The following IGDCC4 variants were observed in gnomAD, a reference collection of about 807,000 sequenced individuals.
The protein encoded by IGDCC4 is immunoglobulin superfamily DCC subclass member 4.
Under a neutral mutation model 116.6 loss-of-function variants are expected in IGDCC4, and 72 were observed. The observed-to-expected ratio is 0.62, with a 90% CI of 0.51 to 0.75. IGDCC4 has a LOEUF of 0.75. Among genes scored for constraint, IGDCC4 ranks in the 30% least tolerant of loss-of-function variants. The pLI is 0.00. For synonymous variants in IGDCC4, 709 were observed against 719.9 expected, an observed-to-expected ratio of 0.98 and a Z score of 0.24; for missense variants, 1,501 against 1,662.4, an observed-to-expected ratio of 0.90 and a Z score of 1.69.
At position 65,393,829 on chromosome 15, in the gene IGDCC4, C is replaced by T. The variant is rs2062891247; in HGVS notation, c.1715-298G>A. On this transcript the variant is annotated intron_variant, in intron 9 of 19. Coordinates refer to ENST00000352385, the MANE Select transcript of IGDCC4 (RefSeq NM_020962.3). This position sits in a 1 kb window ranked among gnomAD's most constrained non-coding sequence, Gnocchi z 4.6. The stretch of plus-strand genomic sequence containing the variant: ...TGACCATCCCCTGCCAACACACACA[C>T]ACACGGGATGCAGACACAAGAGGCT... 6.6e-6 allele frequency among the ~76,000 whole-genome samples: 1 copy of T among 152,178 alleles called. No individual in the cohort carries two copies. The highest frequency in any genetic ancestry group is 1.5e-5 in the Non-Finnish European group (1 of 68,024).
intron 12 of IGDCC4, among the ~76,000 whole-genome samples, chr15:65,390,814 A>G (rs2091507468): frequency 6.6e-6 from 1 of 152,244 alleles, no homozygotes; most frequent in Non-Finnish European, 1.5e-5. Context: ...TTATTTTAGA[A>G]ACATAAAATA....
At position 65,393,462 on chromosome 15, in the gene IGDCC4, T is replaced by G. The variant is rs767681800; in HGVS notation, c.1784A>C (p.Lys595Thr). Residue 595 changes from lysine to threonine, a missense_variant, in exon 10 of 20, where the codon AAG (lysine) becomes ACG (threonine). By Grantham distance (78) the Lys-to-Thr change is moderately conservative. Coordinates refer to ENST00000352385, the MANE Select transcript of IGDCC4 (RefSeq NM_020962.3). This position sits in a 1 kb window ranked among gnomAD's most constrained non-coding sequence, Gnocchi z 4.6. Reference sequence around the variant, plus strand: ...AGCCGAAATCCGTACTCGATACACCTTGTTTGGCTGAAGCGAGTTCAGCAT... The same window carrying G: ...AGCCGAAATCCGTACTCGATACACCGTGTTTGGCTGAAGCGAGTTCAGCAT... ...QLMLNSLQPN[K>T]VYRVRISAGT... 1 of 1,613,464 alleles carries G rather than the reference T, an allele frequency of 6.2e-7. No homozygotes were observed. The highest frequency in any genetic ancestry group is 1.1e-5 in the South Asian group (1 of 90,896).
chr15:65,405,137 G>A (rs1201527899), intron 3 of IGDCC4, among the ~76,000 whole-genome samples: 1 of 136,924 alleles, frequency 7.3e-6, no homozygotes, highest in Non-Finnish European at 1.6e-5. Context: ...AGTGGGGGGG[G>A]GGGAGTAAAA....
intron 1 of IGDCC4, among the ~76,000 whole-genome samples, chr15:65,419,513 A>G (rs143599385): frequency 1.7e-3 from 254 of 152,352 alleles, no homozygotes; most frequent in African/African-American, 5.8e-3. Context: ...TAGAGGATCA[A>G]TGAAGGTTTA....
At position 65,384,825 on chromosome 15, in the gene IGDCC4, G is replaced by C. The variant is rs1027343885; in HGVS notation, c.3342+129C>G. 2.4e-6 allele frequency: 3 copies of C among 1,250,774 alleles called. No individual in the cohort carries two copies. The highest frequency in any genetic ancestry group is 2.6e-5 in the East Asian group (1 of 38,708). 77.5% of individuals were successfully genotyped at this position (1,250,774 alleles called of 1,614,324 possible). Reference sequence around the variant, plus strand: ...CTACTCAACCTTTGGAGGCTCCAGGGGTCTCCTGGCTAGACTTCTATCCCC... The same window carrying C: ...CTACTCAACCTTTGGAGGCTCCAGGCGTCTCCTGGCTAGACTTCTATCCCC... On this transcript the variant is annotated intron_variant, in intron 19 of 19. Transcript: ENST00000352385. The surrounding 1 kb of genome is among the most constrained non-coding windows in gnomAD (Gnocchi z 4.9).
Position 65,385,153 on chromosome 15 carries a change from C to T in IGDCC4, c.3181-38G>A, listed in dbSNP as rs75789904. 3,548 of 1,527,322 alleles carry T rather than the reference C, an allele frequency of 2.3e-3. 68 individuals carry two copies. The African/African-American group carries it at 0.04, about 17-fold the overall frequency. The allele number at this position is 1,527,322 out of a possible 1,614,324, so 94.6% of individuals were successfully genotyped here. On this transcript the variant is annotated intron_variant, in intron 18 of 19. Transcript: ENST00000352385. ...AAGAAGGGGACAGTAAGGGGCACGA[C>T]CAGGATTGGCTGGGAGAGGGAAGCC...
chr15:65,390,086 G>A (rs1250533659), intron 13 of IGDCC4, 69 bp downstream of exon 13: 10 of 1,380,912 alleles, frequency 7.2e-6, no homozygotes, highest in East Asian at 2.3e-5. Context: ...ACCACCTGCT[G>A]CCTTCCCACC....
intron 17 of IGDCC4, 113 bp downstream of exon 17, chr15:65,386,438 C>T (rs758596701): frequency 2.3e-6 from 2 of 881,338 alleles, no homozygotes; most frequent in Non-Finnish European, 3.6e-6. Flanking sequence ...CTGACTTTAA[C>T]GGGGCTCCTG....
At chr15:65,416,237 G>A (rs1223724823) in intron 1 of IGDCC4, among the ~76,000 whole-genome samples, 4 of 141,732 alleles carry the variant, frequency 2.8e-5, no homozygotes, top group South Asian at 2.2e-4. Flanking sequence ...TCCCGGGTTC[G>A]AGACATTCTC....
chr15:65,385,566 G>A, intron 18 of IGDCC4: 2 of 588,558 alleles, frequency 3.4e-6, no homozygotes, highest in East Asian at 2.9e-5. Context: ...GGGATGAGGA[G>A]GGAGCTGGGT....
At chr15:65,396,339 C>G (rs1013036460) in intron 6 of IGDCC4, 176 bp from the exon 7 acceptor site, 1 of 754,082 alleles carries the variant, frequency 1.3e-6, no homozygotes, top group African/African-American at 1.7e-5. Context: ...CCTACCCTTT[C>G]TTCTCCCCAT....
At chr15:65,413,578 T>C (rs1315798740) in intron 1 of IGDCC4, among the ~76,000 whole-genome samples, 3 of 152,226 alleles carry the variant, frequency 2.0e-5, no homozygotes, top group Non-Finnish European at 4.4e-5. Context: ...CCATTATTCA[T>C]AGACAAATGG....
In IGDCC4 at chr15:65,383,990, C is replaced by G. The variant is rs1462695721; in HGVS notation, c.*19G>C. On this transcript the variant is annotated 3_prime_UTR_variant, in exon 20 of 20. Coordinates refer to ENST00000352385, the MANE Select transcript of IGDCC4 (RefSeq NM_020962.3). ...GTGATCCATACCTGCCTGCCCCAAACCACATCCTCTGGGAAGAGCTAGGCA... is the reference window on the plus strand; with the variant it reads ...GTGATCCATACCTGCCTGCCCCAAAGCACATCCTCTGGGAAGAGCTAGGCA... 2 of 1,555,116 alleles carry G rather than the reference C, an allele frequency of 1.3e-6. No homozygotes were observed. The highest frequency in any genetic ancestry group is 1.7e-6 in the Non-Finnish European group (2 of 1,145,990).
chr15:65,390,107 A>G lies in IGDCC4; in HGVS notation c.2408+48T>C, dbSNP rs190248153. The G allele has an allele frequency of 2.4e-4, 310 of 1,312,888 alleles. No individual in the cohort carries two copies. The African/African-American group carries it at 3.9e-3, about 16-fold the overall frequency. 81.3% of individuals were successfully genotyped at this position (1,312,888 alleles called of 1,614,324 possible). Reference sequence around the variant, plus strand: ...TGCTGCCTTCCCACCACCACCCCCCACCTATTCTTCCTCCCTTCTTTACAT... The same window carrying G: ...TGCTGCCTTCCCACCACCACCCCCCGCCTATTCTTCCTCCCTTCTTTACAT... On this transcript the variant is annotated intron_variant, in intron 13 of 19. Coordinates refer to ENST00000352385, the MANE Select transcript of IGDCC4 (RefSeq NM_020962.3).
At chr15:65,416,724 C>G (rs1329138256) in intron 1 of IGDCC4, among the ~76,000 whole-genome samples, 1 of 152,152 alleles carries the variant, frequency 6.6e-6, no homozygotes, top group East Asian at 1.9e-4. Context: ...GCCACCCCTC[C>G]CATAATCCCT....
chr15:65,409,348 C>T (rs922523278), intron 3 of IGDCC4, among the ~76,000 whole-genome samples: 1 of 152,122 alleles, frequency 6.6e-6, no homozygotes, highest in South Asian at 2.1e-4. Context: ...TCCACCAGGA[C>T]GGGAGAAGGA....
chr15:65,386,120 G>T (rs1427610300), intron 17 of IGDCC4, 61 bp from the exon 18 acceptor site: 2 of 1,088,398 alleles, frequency 1.8e-6, no homozygotes, highest in Middle Eastern at 2.1e-4. Context: ...GCGGGGCTGG[G>T]ATCTGGTCCA....
chr15:65,417,842 C>A (rs866529084), intron 1 of IGDCC4, among the ~76,000 whole-genome samples: 1 of 152,160 alleles, frequency 6.6e-6, no homozygotes, highest in African/African-American at 2.4e-5. Context: ...GTGATCCGCC[C>A]ACCTTGGCCT....
At chr15:65,405,088 A>C (rs2063027274) in intron 3 of IGDCC4, among the ~76,000 whole-genome samples, 1 of 141,684 alleles carries the variant, frequency 7.1e-6, no homozygotes, top group African/African-American at 2.6e-5. Flanking sequence ...GTGTTTTTAG[A>C]AGCTCTGTCC....
Sources: allele counts gnomAD v4.1 joint callset (sites outside exome capture counted in the v4.1 genomes callset), GRCh38; gene constraint gnomAD v4.1.1; non-coding constraint Gnocchi (gnomAD v3.1); transcripts MANE v1.5; gene names NCBI Gene and HGNC (gene_info 2026-07-23, HGNC 2026-07-21).